The following ANKDD1B variants were observed in gnomAD, a reference collection of about 807,000 sequenced individuals.
The protein encoded by ANKDD1B is ankyrin repeat and death domain-containing protein 1B.
In ANKDD1B, 57 loss-of-function variants were observed where a neutral mutation model predicts 59.7. The ratio of observed to expected loss-of-function variants is 0.95; its 90% CI spans 0.77 to 1.19. The LOEUF (loss-of-function observed/expected upper bound fraction) is 1.19, where lower values mean the gene tolerates loss of function less well. Ranked by LOEUF, ANKDD1B falls within the 50% of genes most tolerant of loss-of-function variation. ANKDD1B has a pLI of 0.00. For missense variants in ANKDD1B, 602 were observed against 641.9 expected (o/e 0.94, Z 0.67); for synonymous variants, 216 against 239.5 (o/e 0.90, Z 0.91).
chr5:75,635,917 A>G (rs1774290723), intron 7 of ANKDD1B, 35 bp downstream of exon 7: 7 of 1,348,684 alleles, frequency 5.2e-6, no homozygotes, highest in Non-Finnish European at 7.1e-6. Context: ...CATAGGACTT[A>G]AATGTGGAAG....
chr5:75,648,191 A>G (rs1272599018), intron 7 of ANKDD1B, among the ~76,000 whole-genome samples: 19 of 119,424 alleles, frequency 1.6e-4, no homozygotes, highest in Admixed American at 1.3e-3. Flanking sequence ...AGCATGGCAC[A>G]TGTATACATA....
At chr5:75,635,695 CT>C (rs1774280224) in intron 6 of ANKDD1B, 88 bp from the exon 7 acceptor site, 4 of 813,548 alleles carry the variant, frequency 4.9e-6, no homozygotes, top group Non-Finnish European at 7.5e-6. Context: ...AAAATGAAAA[CT>C]TCCAGAAACT....
intron 11 of ANKDD1B, among the ~76,000 whole-genome samples, chr5:75,665,051 A>G (rs1455281302): frequency 2.6e-5 from 4 of 152,240 alleles, no homozygotes; most frequent in Non-Finnish European, 5.9e-5. Context: ...ATATCCATTT[A>G]TCCATTAACC....
chr5:75,613,924 A>G (rs1581125522), intron 1 of ANKDD1B, among the ~76,000 whole-genome samples: 1 of 152,204 alleles, frequency 6.6e-6, no homozygotes, highest in East Asian at 1.9e-4. Context: ...CCAGGAATTC[A>G]AGACCAGCCT....
intron 7 of ANKDD1B, among the ~76,000 whole-genome samples, chr5:75,644,278 C>A (rs1304113999): frequency 0.019 from 1,104 of 58,002 alleles, 22 homozygotes; most frequent in Non-Finnish European, 0.023. Context: ...GGACTAAATT[C>A]TGCAATTAAA....
rs1490999200 is a variant in ANKDD1B at position 75,625,627 on chromosome 5, T to C, written c.397-20T>C. On this transcript the variant is annotated intron_variant, in intron 3 of 13. Transcript: ENST00000601380. ...GCTTGTCAGAGTGATAGATTCTCTTTTTCTGTCTTCTTGGGGAAGCACGGC... is the reference window on the plus strand; with the variant it reads ...GCTTGTCAGAGTGATAGATTCTCTTCTTCTGTCTTCTTGGGGAAGCACGGC... 6.5e-7 allele frequency: 1 copy of C among 1,532,214 alleles called. No individual in the cohort carries two copies. Among genetic ancestry groups the C allele is most frequent in the Non-Finnish European group, 8.7e-7 (1 of 1,143,774 alleles). 94.9% of individuals were successfully genotyped at this position (1,532,214 alleles called of 1,614,324 possible).
intron 10 of ANKDD1B, among the ~76,000 whole-genome samples, chr5:75,659,590 T>A (rs557840582): frequency 1.4e-4 from 21 of 152,348 alleles, no homozygotes; most frequent in African/African-American, 4.3e-4. Context: ...TATGTGTTTT[T>A]AAATTCAAAT....
At chr5:75,627,422 C>T (rs1190975612) in intron 5 of ANKDD1B, among the ~76,000 whole-genome samples, 1 of 152,132 alleles carries the variant, frequency 6.6e-6, no homozygotes, top group Admixed American at 6.6e-5. Context: ...TTATGCCATT[C>T]CTATGTAGCA....
chr5:75,615,930 G>C (rs925710977), intron 1 of ANKDD1B, among the ~76,000 whole-genome samples: 1 of 152,090 alleles, frequency 6.6e-6, no homozygotes, highest in African/African-American at 2.4e-5. Flanking sequence ...GATTGGACTT[G>C]GCAGTATCCT....
At chr5:75,668,043 C>T (rs1000750292) in intron 12 of ANKDD1B, among the ~76,000 whole-genome samples, 19 of 152,086 alleles carry the variant, frequency 1.2e-4, no homozygotes, top group African/African-American at 4.3e-4. Flanking sequence ...ATTAATTAGG[C>T]TTATAGTGTT....
intron 3 of ANKDD1B, among the ~76,000 whole-genome samples, chr5:75,624,086 G>T (rs1421170507): frequency 6.6e-6 from 1 of 152,180 alleles, no homozygotes; most frequent in Non-Finnish European, 1.5e-5. Context: ...CAACTGATTA[G>T]AAAAGGCAAA....
chr5:75,631,680 C>T (rs1332670456), intron 5 of ANKDD1B, among the ~76,000 whole-genome samples: 6 of 152,126 alleles, frequency 3.9e-5, no homozygotes, highest in Admixed American at 1.3e-4. Flanking sequence ...CTATGTGGAC[C>T]GTGTCATGAA....
At chr5:75,636,278 T>C (rs1239622915) in intron 7 of ANKDD1B, among the ~76,000 whole-genome samples, 1 of 152,182 alleles carries the variant, frequency 6.6e-6, no homozygotes, top group East Asian at 1.9e-4. Flanking sequence ...GAAGAGGTGA[T>C]ATATTATCTG....
intron 6 of ANKDD1B, 167 bp downstream of exon 6, chr5:75,635,163 T>A (rs1363464389): frequency 3.9e-6 from 2 of 515,258 alleles, no homozygotes; most frequent in Non-Finnish European, 7.0e-6. Flanking sequence ...GGCAAAATCC[T>A]TCCACTGTTG....
chr5:75,670,235 T>C (rs925632868), intron 13 of ANKDD1B, among the ~76,000 whole-genome samples: 4 of 152,230 alleles, frequency 2.6e-5, no homozygotes, highest in Non-Finnish European at 5.9e-5. Flanking sequence ...TGAATTATCT[T>C]GTTTTTATTA....
chr5:75,611,745 C>G lies in ANKDD1B; in HGVS notation c.111C>G (p.Ala37=). The change falls in exon 1 of 14, where the codon GCC becomes GCG. Residue 37 remains alanine, a synonymous_variant. Coordinates refer to ENST00000601380, the MANE Select transcript of ANKDD1B (RefSeq NM_001276713.2). ...GLREDLWGAA[A]LPWRSLSRIP... ...GGGAAGACCTGTGGGGCGCGGCCGC[C>G]CTGCCTTGGAGGAGCCTGTCCCGGA... The G allele has an allele frequency of 8.1e-7, 1 of 1,231,920 alleles. No individual in the cohort carries two copies. The highest frequency in any genetic ancestry group is 3.2e-5 in the East Asian group (1 of 31,692). The allele number at this position is 1,231,920 out of a possible 1,614,324, so 76.3% of individuals were successfully genotyped here.
chr5:75,617,472 CT>C (rs1773743709), intron 2 of ANKDD1B, among the ~76,000 whole-genome samples: 1 of 152,154 alleles, frequency 6.6e-6, no homozygotes, highest in African/African-American at 2.4e-5. Context: ...GGAAAGTCCA[CT>C]GCCATAAATT....
At chr5:75,641,597 G>A (rs1774462915) in intron 7 of ANKDD1B, among the ~76,000 whole-genome samples, 1 of 152,100 alleles carries the variant, frequency 6.6e-6, no homozygotes, top group African/African-American at 2.4e-5. Context: ...AATATATGCT[G>A]CTCTGCACCT....
intron 7 of ANKDD1B, among the ~76,000 whole-genome samples, chr5:75,649,482 A>G (rs1042687472): frequency 6.6e-6 from 1 of 152,036 alleles, no homozygotes; most frequent in African/African-American, 2.4e-5. Flanking sequence ...TAATTTTTTT[A>G]TGTTTTACAT....
Sources: gnomAD v4.1 joint callset for allele counts (sites outside exome capture counted in the v4.1 genomes callset) on GRCh38, gnomAD v4.1.1 for gene constraint, MANE v1.5 for transcripts, NCBI Gene and HGNC (gene_info 2026-07-23, HGNC 2026-07-21) for gene names.